The following AP2A1 variants were observed in gnomAD, a reference collection of about 807,000 sequenced individuals.
The protein encoded by AP2A1 is adaptor related protein complex 2 subunit alpha 1, also known as AP-2 complex subunit alpha-1.
AP2A1 carries 21 observed loss-of-function variants against 107.3 expected under a neutral mutation model. The observed-to-expected ratio is 0.20, with a 90% confidence interval of 0.14 to 0.28. The LOEUF (loss-of-function observed/expected upper bound fraction) is 0.28. Ranked by LOEUF, AP2A1 falls within the 10% of genes least tolerant of loss-of-function variation. The pLI, the probability that AP2A1 is intolerant of heterozygous loss-of-function variation, is 1.00. For missense variants in AP2A1, 873 were observed against 1,307.7 expected (o/e 0.67, Z 5.13); for synonymous variants, 602 against 564.8 (o/e 1.07, Z -0.93).
chr19:49,767,153 G>T lies in AP2A1; in HGVS notation c.20G>T (p.Gly7Val). The T allele has an allele frequency of 6.2e-7, 1 of 1,611,952 alleles. No homozygotes were observed. Among genetic ancestry groups the T allele is most frequent in the Non-Finnish European group, 8.5e-7 (1 of 1,179,736 alleles). ...GCCATCATGCCGGCCGTGTCCAAGG[G>T]CGATGGGATGCGGGGGCTCGCGGTG... Reference protein sequence around the residue: MPAVSKGDGMRGLAVFI... With the variant: MPAVSKVDGMRGLAVFI... Residue 7 changes from glycine (G) to valine (V), a missense_variant, in exon 1 of 23, where the codon GGC (glycine) becomes GTC (valine). This residue lies in a region of AP2A1 where 87 missense variants were observed against 178.2 expected (regional missense o/e 0.49). Transcript: ENST00000354293.
chr19:49,797,954 T>G (rs2073231851), intron 7 of AP2A1, among the ~76,000 whole-genome samples: 1 of 152,148 alleles, frequency 6.6e-6, no homozygotes, highest in Non-Finnish European at 1.5e-5. Flanking sequence ...TTGTTATTTC[T>G]CGTAGTCTGG....
intron 18 of AP2A1, chr19:49,803,598 A>C: frequency 7.1e-6 from 4 of 565,660 alleles, no homozygotes; most frequent in East Asian, 3.1e-5. Flanking sequence ...TACTTCCAGA[A>C]CTCCACCTGC....
intron 9 of AP2A1, 28 bp downstream of exon 9, chr19:49,799,523 C>T: frequency 6.2e-7 from 1 of 1,606,330 alleles, no homozygotes; most frequent in Non-Finnish European, 8.5e-7. Flanking sequence ...CCACCCCGGG[C>T]CTGCCACCCC....
At chr19:49,786,595 AGG>A (rs1221917742) in intron 4 of AP2A1, among the ~76,000 whole-genome samples, 1 of 152,060 alleles carries the variant, frequency 6.6e-6, no homozygotes, top group Non-Finnish European at 1.5e-5. Flanking sequence ...ACGCTCTGGC[AGG>A]GGGGGTGGGA....
intron 6 of AP2A1, among the ~76,000 whole-genome samples, chr19:49,795,117 C>T (rs2084592095): frequency 6.6e-6 from 1 of 152,244 alleles, no homozygotes; most frequent in African/African-American, 2.4e-5. Context: ...AAACAGCCTC[C>T]AGGAGCCGGT....
chr19:49,804,244 A>G (rs1245668972), intron 18 of AP2A1: 2 of 151,736 alleles, frequency 1.3e-5, no homozygotes, highest in African/African-American at 2.4e-5. Flanking sequence ...AAAAGAAAAG[A>G]AAAAATTCCT....
At chr19:49,792,270 G>GCA (rs2073155157) in intron 5 of AP2A1, among the ~76,000 whole-genome samples, 2 of 117,642 alleles carry the variant, frequency 1.7e-5, no homozygotes, top group Admixed American at 8.5e-5. Flanking sequence ...CAGCCCTCAC[G>GCA]CCCCCTGGAT....
chr19:49,796,120 A>C, intron 7 of AP2A1: 1 of 226,568 alleles, frequency 4.4e-6, no homozygotes, highest in Non-Finnish European at 8.9e-6. Context: ...TACCTGAATT[A>C]CCATAGCCCT....
intron 7 of AP2A1, chr19:49,795,983 C>G: frequency 1.9e-6 from 1 of 537,472 alleles, no homozygotes; most frequent in East Asian, 3.2e-5. Context: ...TACCCGGGCT[C>G]TCACTCCAGC....
At chr19:49,795,469 C>T (rs181184641) in intron 6 of AP2A1, among the ~76,000 whole-genome samples, 161 bp from the exon 7 acceptor site, 1 of 152,238 alleles carries the variant, frequency 6.6e-6, no homozygotes, top group East Asian at 1.9e-4. Flanking sequence ...CCAGCCTGGG[C>T]AACATAGTGA....
intron 6 of AP2A1, 98 bp from the exon 7 acceptor site, chr19:49,795,532 A>C (rs2073200984): frequency 1.3e-6 from 1 of 774,896 alleles, no homozygotes; most frequent in African/African-American, 1.7e-5. Context: ...CACTGACAGC[A>C]CTGCCCTTGG....
At chr19:49,793,668 C>G (rs2073173947) in intron 6 of AP2A1, among the ~76,000 whole-genome samples, 1 of 152,096 alleles carries the variant, frequency 6.6e-6, no homozygotes, top group Non-Finnish European at 1.5e-5. Context: ...AGGGAGGTGA[C>G]TCAGTCACAG....
Position 49,796,226 on chromosome 19 carries a change from G to A in AP2A1, c.814+488G>A, listed in dbSNP as rs573065861. 131 of 156,834 alleles carry A rather than the reference G, an allele frequency of 8.4e-4. 2 individuals carry two copies. In the South Asian group the frequency reaches 0.019, roughly 23 times the overall value. 9.7% of individuals were successfully genotyped at this position (156,834 alleles called of 1,614,324 possible). Reference sequence around the variant, plus strand: ...ACTCCTGTAGTGAGCCAGGCACTGGGCAGGGGGCACCTGCACCTGCCGAAC... The same window carrying A: ...ACTCCTGTAGTGAGCCAGGCACTGGACAGGGGGCACCTGCACCTGCCGAAC... On this transcript the variant is annotated intron_variant, in intron 7 of 22. Transcript: ENST00000354293.
At chr19:49,769,199 G>A (rs191923992) in intron 1 of AP2A1, among the ~76,000 whole-genome samples, 2 of 152,108 alleles carry the variant, frequency 1.3e-5, no homozygotes, top group African/African-American at 2.4e-5. Context: ...GCAATGAGCC[G>A]AGATTCACAC....
At chr19:49,792,680 C>T (rs368398258) in intron 5 of AP2A1, among the ~76,000 whole-genome samples, 1 of 152,146 alleles carries the variant, frequency 6.6e-6, no homozygotes, top group East Asian at 1.9e-4. Context: ...TGCGCACCAG[C>T]GCAGAAACCT....
intron 4 of AP2A1, 135 bp downstream of exon 4, chr19:49,782,859 C>G (rs939678307): frequency 3.7e-6 from 4 of 1,070,204 alleles, no homozygotes; most frequent in Non-Finnish European, 3.9e-6. Flanking sequence ...GGCTGGGGAC[C>G]CAGTGGTTCC....
intron 1 of AP2A1, 124 bp downstream of exon 1, chr19:49,767,324 G>C (rs1472891467): frequency 8.2e-7 from 1 of 1,220,704 alleles, no homozygotes; most frequent in African/African-American, 1.5e-5. Context: ...GGACAGCATA[G>C]ATGGGCCCCA....
chr19:49,772,896 C>T (rs887509106), intron 1 of AP2A1, among the ~76,000 whole-genome samples: 4 of 151,204 alleles, frequency 2.6e-5, no homozygotes, highest in South Asian at 2.1e-4. Context: ...TGGGATCTGA[C>T]GCTGGGGAGT....
chr19:49,778,323 C>T (rs1397942693), intron 1 of AP2A1, among the ~76,000 whole-genome samples: 1 of 152,212 alleles, frequency 6.6e-6, no homozygotes, highest in Non-Finnish European at 1.5e-5. Context: ...TGGCTTACAC[C>T]TGTAATCCCA....
Sources: allele counts gnomAD v4.1 joint callset (sites outside exome capture counted in the v4.1 genomes callset), GRCh38; gene constraint gnomAD v4.1.1; regional missense constraint gnomAD v4.1.1; transcripts MANE v1.5; gene names NCBI Gene and HGNC (gene_info 2026-07-23, HGNC 2026-07-21).